Variants in RIC8B observed in about 807,000 individuals in gnomAD.
RIC8B encodes the protein RIC8 guanine nucleotide exchange factor B.
A neutral mutation model predicts 57.5 loss-of-function variants in RIC8B; 16 were observed. That is an observed-to-expected ratio of 0.28 (90% confidence interval 0.19 to 0.42). The LOEUF is 0.42. Among genes scored for constraint, RIC8B ranks in the 10% least tolerant of loss-of-function variants. The pLI is 1.00. For synonymous variants in RIC8B, 216 were observed against 250.8 expected (o/e 0.86, Z 1.31); for missense variants, 481 against 677.0 (o/e 0.71, Z 3.21).
chr12:106,851,315 C>CATTTT, intron 6 of RIC8B, 135 bp from the exon 7 acceptor site: 1 of 211,504 alleles, frequency 4.7e-6, no homozygotes, highest in Non-Finnish European at 8.6e-6. Context: ...GGAAGCTAAC[C>CATTTT]TTTTTTTTTT....
At chr12:106,822,420 C>G (rs1228070662) in intron 3 of RIC8B, 1 of 152,142 alleles carries the variant, frequency 6.6e-6, no homozygotes, top group Non-Finnish European at 1.5e-5. Context: ...GGGTGTATAC[C>G]TGTAGATATC....
At chr12:106,845,588 T>C (rs1593288109) in intron 6 of RIC8B, among the ~76,000 whole-genome samples, 1 of 152,268 alleles carries the variant, frequency 6.6e-6, no homozygotes, top group African/African-American at 2.4e-5. Context: ...CCTCTCTCTC[T>C]TCTTATATTA....
intron 9 of RIC8B, among the ~76,000 whole-genome samples, chr12:106,881,277 T>C (rs961203315): frequency 7.9e-5 from 12 of 152,030 alleles, no homozygotes; most frequent in Admixed American, 4.6e-4. Context: ...AGTCCAGACT[T>C]GTCAGCCTAG....
At chr12:106,776,734 T>C (rs955921346) in intron 1 of RIC8B, among the ~76,000 whole-genome samples, 1 of 152,162 alleles carries the variant, frequency 6.6e-6, no homozygotes, top group Non-Finnish European at 1.5e-5. Context: ...TTTTTAAGGT[T>C]GTTTTGCATG....
At chr12:106,824,848 G>A (rs903484905) in intron 3 of RIC8B, among the ~76,000 whole-genome samples, 1 of 151,684 alleles carries the variant, frequency 6.6e-6, no homozygotes, top group Non-Finnish European at 1.5e-5. Context: ...CGGAGGTTGC[G>A]GTGAGCCGAG....
intron 1 of RIC8B, 95 bp downstream of exon 1, chr12:106,774,924 G>A (rs1357788618): frequency 4.3e-6 from 4 of 920,892 alleles, no homozygotes; most frequent in Non-Finnish European, 6.6e-6. Flanking sequence ...TCATTCCGGG[G>A]ATGCGCATTG....
intron 2 of RIC8B, among the ~76,000 whole-genome samples, chr12:106,785,225 A>G (rs1421997493): frequency 1.3e-5 from 2 of 152,146 alleles, no homozygotes; most frequent in African/African-American, 4.8e-5. Flanking sequence ...GTTTCCAGTT[A>G]TGCACACATC....
chr12:106,855,508 C>G (rs1949682357), intron 7 of RIC8B, among the ~76,000 whole-genome samples: 1 of 152,136 alleles, frequency 6.6e-6, no homozygotes, highest in African/African-American at 2.4e-5. Flanking sequence ...TGAAAATGCT[C>G]TCAATAAGGT....
intron 2 of RIC8B, among the ~76,000 whole-genome samples, chr12:106,791,416 T>C (rs2044254121): frequency 1.3e-5 from 2 of 152,320 alleles, no homozygotes; most frequent in South Asian, 4.1e-4. Flanking sequence ...AGCGAAGGAC[T>C]AATATTTCTT....
intron 8 of RIC8B, among the ~76,000 whole-genome samples, chr12:106,868,814 C>G (rs1566163980): frequency 1.7e-5 from 2 of 117,566 alleles, no homozygotes; most frequent in Admixed American, 8.8e-5. Flanking sequence ...CACACACACA[C>G]AGATTTATTA....
At chr12:106,797,911 T>C (rs2044556078) in intron 2 of RIC8B, 2 of 572,058 alleles carry the variant, frequency 3.5e-6, no homozygotes, top group African/African-American at 1.9e-5. Flanking sequence ...GTACTGCCGC[T>C]CATTAATAAT....
At chr12:106,864,660 C>T (rs868710865) in intron 8 of RIC8B, among the ~76,000 whole-genome samples, 22 of 152,090 alleles carry the variant, frequency 1.4e-4, no homozygotes, top group Admixed American at 9.8e-4. Flanking sequence ...GCTCTTCATT[C>T]TGCCTTTTTA....
chr12:106,813,849 C>T (rs887732966), intron 2 of RIC8B, among the ~76,000 whole-genome samples: 5 of 152,080 alleles, frequency 3.3e-5, no homozygotes, highest in Admixed American at 1.3e-4. Flanking sequence ...GAGACCCAGA[C>T]CTGCAGTTTG....
intron 3 of RIC8B, 64 bp from the exon 4 acceptor site, chr12:106,825,662 G>A: frequency 8.5e-7 from 1 of 1,183,394 alleles, no homozygotes. Context: ...ATGTAGTAAA[G>A]TAGCAGACCC....
chr12:106,881,438 T>C (rs937559801), intron 9 of RIC8B, among the ~76,000 whole-genome samples: 1 of 151,452 alleles, frequency 6.6e-6, no homozygotes, highest in Non-Finnish European at 1.5e-5. Context: ...CTAATTCTTC[T>C]GCTTCTGGGA....
chr12:106,820,338 A>C (rs2136307349), intron 3 of RIC8B, among the ~76,000 whole-genome samples: 1 of 152,294 alleles, frequency 6.6e-6, no homozygotes, highest in South Asian at 2.1e-4. Context: ...TTCAGTGGGA[A>C]ATGTAGCTAG....
intron 8 of RIC8B, among the ~76,000 whole-genome samples, chr12:106,869,120 T>C (rs1268808180): frequency 6.6e-6 from 1 of 152,080 alleles, no homozygotes; most frequent in Non-Finnish European, 1.5e-5. Flanking sequence ...ATATATTGGG[T>C]TTCTAATGGG....
At chr12:106,823,594 C>A in intron 3 of RIC8B, 1 of 345,218 alleles carries the variant, frequency 2.9e-6, no homozygotes, top group Non-Finnish European at 5.6e-6. Flanking sequence ...AAGTGTATTC[C>A]CTAGTTAATT....
Position 106,842,728 on chromosome 12 carries a change from G to T in RIC8B, c.976G>T (p.Val326Phe). ...TAATAAAACAGCTGAGAAAGAAACA[G>T]TTTTGAAAAACAATACCATGGTATA... ...PSNKTAEKETVLKNNTMVYNG... is the reference protein window; with the variant it reads ...PSNKTAEKETFLKNNTMVYNG... Residue 326 changes from valine (V) to phenylalanine (F), a missense_variant, in exon 5 of 10, where the codon GTT becomes TTT. By Grantham distance (50) the Val-to-Phe change is conservative. This residue lies in a region of RIC8B where 421 missense variants were observed against 560.9 expected (regional missense o/e 0.75). Coordinates refer to ENST00000392837, the MANE Select transcript of RIC8B (RefSeq NM_001330145.2). 6.2e-7 allele frequency: 1 copy of T among 1,613,946 alleles called. No individual in the cohort carries two copies. Among genetic ancestry groups the T allele is most frequent in the Non-Finnish European group, 8.5e-7 (1 of 1,179,858 alleles).
Sources: allele counts gnomAD v4.1 joint callset (sites outside exome capture counted in the v4.1 genomes callset), GRCh38; gene constraint gnomAD v4.1.1; regional missense constraint gnomAD v4.1.1; transcripts MANE v1.5; gene names NCBI Gene and HGNC (gene_info 2026-07-23, HGNC 2026-07-21).